The following AKAP19 variants were observed in gnomAD, a reference collection of about 807,000 sequenced individuals.
The protein encoded by AKAP19 is small A-kinase anchoring protein.
the AKAP19 span, among the ~76,000 whole-genome samples, chr2:189,960,180 T>C: frequency 6.6e-6 from 1 of 152,202 alleles, no homozygotes; most frequent in African/African-American, 2.4e-5. Flanking sequence ...GCTGTTAGGT[T>C]GTTAGCTCAA....
the AKAP19 span, among the ~76,000 whole-genome samples, chr2:189,897,273 G>A: frequency 6.6e-6 from 1 of 151,992 alleles, no homozygotes; most frequent in African/African-American, 2.4e-5. Flanking sequence ...CTGTCTCTGT[G>A]CACCTAAGTA....
the AKAP19 span, among the ~76,000 whole-genome samples, chr2:190,153,085 C>T: frequency 2.6e-5 from 4 of 152,144 alleles, no homozygotes; most frequent in East Asian, 1.9e-4. Context: ...TTAGTAGAAA[C>T]GGGGTTTCAC....
chr2:190,174,720 G>T, the AKAP19 span, among the ~76,000 whole-genome samples: 1 of 152,114 alleles, frequency 6.6e-6, no homozygotes, highest in South Asian at 2.1e-4. Flanking sequence ...TGGACCAATG[G>T]TTATTGCAGT....
the AKAP19 span, among the ~76,000 whole-genome samples, chr2:189,973,700 G>C: frequency 2.0e-5 from 3 of 152,094 alleles, no homozygotes; most frequent in African/African-American, 7.2e-5. Flanking sequence ...CTTCTTCCTG[G>C]TTTAGTCTTG....
the AKAP19 span, among the ~76,000 whole-genome samples, chr2:190,019,835 C>T: frequency 2.6e-5 from 4 of 152,238 alleles, no homozygotes; most frequent in South Asian, 8.3e-4. Flanking sequence ...AACTATTTCT[C>T]CTACCCTTCT....
the AKAP19 span, among the ~76,000 whole-genome samples, chr2:189,983,863 G>C: frequency 1.3e-5 from 2 of 152,202 alleles, no homozygotes; most frequent in African/African-American, 4.8e-5. Flanking sequence ...GTACAAAAGA[G>C]AGAAATTTTA....
the AKAP19 span, among the ~76,000 whole-genome samples, chr2:189,954,244 G>GT: frequency 6.6e-6 from 1 of 152,306 alleles, no homozygotes; most frequent in South Asian, 2.1e-4. Flanking sequence ...TAAGAAAATT[G>GT]TTTAATGCAT....
At chr2:190,124,329 C>A in the AKAP19 span, among the ~76,000 whole-genome samples, 1 of 152,208 alleles carries the variant, frequency 6.6e-6, no homozygotes, top group Non-Finnish European at 1.5e-5. Context: ...ATGGTGTAGC[C>A]TACTGCACAC....
At chr2:190,199,160 C>T in the AKAP19 span, among the ~76,000 whole-genome samples, 1 of 152,124 alleles carries the variant, frequency 6.6e-6, no homozygotes, top group Non-Finnish European at 1.5e-5. Context: ...TGGGGAGGAA[C>T]AAAATTTTGA....
At chr2:189,910,865 T>C in the AKAP19 span, among the ~76,000 whole-genome samples, 3 of 152,080 alleles carry the variant, frequency 2.0e-5, no homozygotes, top group Non-Finnish European at 2.9e-5. Flanking sequence ...TTGGATGTTA[T>C]TTGACTTAAG....
the AKAP19 span, among the ~76,000 whole-genome samples, chr2:189,958,636 C>A: frequency 6.7e-6 from 1 of 150,218 alleles, no homozygotes; most frequent in Non-Finnish European, 1.5e-5. Context: ...CATATGTGCA[C>A]CAGGACAGTT....
At chr2:190,117,653 CAATCT>C in the AKAP19 span, among the ~76,000 whole-genome samples, 1 of 152,228 alleles carries the variant, frequency 6.6e-6, no homozygotes, top group Non-Finnish European at 1.5e-5. Context: ...ATGCCCAATC[CAATCT>C]AAAGTTCTAT....
the AKAP19 span, among the ~76,000 whole-genome samples, chr2:190,010,760 C>T: frequency 6.6e-6 from 1 of 152,034 alleles, no homozygotes; most frequent in African/African-American, 2.4e-5. Flanking sequence ...TATTGAGAAA[C>T]TATAATCGTA....
chr2:189,937,937 T>A, the AKAP19 span, among the ~76,000 whole-genome samples: 1 of 152,324 alleles, frequency 6.6e-6, no homozygotes, highest in East Asian at 1.9e-4. Context: ...GAAATTGGCA[T>A]ACTGAAGAGA....
the AKAP19 span, among the ~76,000 whole-genome samples, chr2:190,058,374 CTT>C: frequency 6.6e-6 from 1 of 151,946 alleles, no homozygotes; most frequent in East Asian, 1.9e-4. Flanking sequence ...AAAAGGAACA[CTT>C]TCTTAAATAA....
chr2:190,039,890 T>C, the AKAP19 span, among the ~76,000 whole-genome samples: 5 of 152,214 alleles, frequency 3.3e-5, no homozygotes, highest in African/African-American at 7.2e-5. Context: ...CCATGGTATA[T>C]ATGTAACCAC....
chr2:189,978,361 C>T, the AKAP19 span, among the ~76,000 whole-genome samples: 1 of 152,100 alleles, frequency 6.6e-6, no homozygotes, highest in South Asian at 2.1e-4. Context: ...TGGCTCATGC[C>T]TGTAATCACA....
At chr2:190,016,170 C>A in the AKAP19 span, among the ~76,000 whole-genome samples, 1 of 152,212 alleles carries the variant, frequency 6.6e-6, no homozygotes, top group Non-Finnish European at 1.5e-5. Flanking sequence ...CACCCCACTC[C>A]TAGTACCAAT....
the AKAP19 span, among the ~76,000 whole-genome samples, chr2:190,088,340 C>A: frequency 6.6e-6 from 1 of 152,108 alleles, no homozygotes; most frequent in Non-Finnish European, 1.5e-5. Flanking sequence ...GGTCCCAGAG[C>A]TCTGAGTAGA....
Sources: gnomAD v4.1 joint callset for allele counts (sites outside exome capture counted in the v4.1 genomes callset) on GRCh38, gnomAD v4.1.1 for gene constraint, MANE v1.5 for transcripts, NCBI Gene and HGNC (gene_info 2026-07-23, HGNC 2026-07-21) for gene names.